NEDD1: variants seen among roughly 807,000 people sequenced by gnomAD.
The protein encoded by NEDD1 is protein NEDD1.
A neutral mutation model predicts 74.0 loss-of-function variants in NEDD1; 33 were observed. That is an observed-to-expected ratio of 0.45 (90% confidence interval 0.34 to 0.60). The LOEUF is 0.60. Among genes scored for constraint, NEDD1 ranks in the 20% least tolerant of loss-of-function variants. NEDD1 has a pLI of 0.01. For synonymous variants in NEDD1, 250 were observed against 264.4 expected (o/e 0.95, Z 0.53); for missense variants, 746 against 776.5 (o/e 0.96, Z 0.47).
intron 3 of NEDD1, among the ~76,000 whole-genome samples, chr12:96,911,007 C>T (rs1873867562): frequency 6.6e-6 from 1 of 152,116 alleles, no homozygotes; most frequent in Admixed American, 6.5e-5. Flanking sequence ...AATTTTCTTA[C>T]TGAATTAAAT....
chr12:96,928,781 G>C (rs1364244273), intron 6 of NEDD1, among the ~76,000 whole-genome samples: 1 of 150,320 alleles, frequency 6.7e-6, no homozygotes. Flanking sequence ...CCGCCTCCTG[G>C]GTTCACACCA....
intron 6 of NEDD1, among the ~76,000 whole-genome samples, chr12:96,929,350 CTTGTATTTTTTTTTTCCTTAAT>C: frequency 2.5e-5 from 1 of 39,740 alleles, no homozygotes; most frequent in Non-Finnish European, 5.0e-5. Flanking sequence ...TTCTTAATGT[CTTGTATTTTTTTTTTCCTTAAT>C]GTCTTGTATT....
chr12:96,933,706 T>C (rs1341433869), intron 6 of NEDD1, among the ~76,000 whole-genome samples: 1 of 152,144 alleles, frequency 6.6e-6, no homozygotes, highest in African/African-American at 2.4e-5. Context: ...TTCCTAGACA[T>C]TTTTTGTTGT....
chr12:96,939,060 T>G (rs1592918523), intron 9 of NEDD1, among the ~76,000 whole-genome samples: 1 of 152,188 alleles, frequency 6.6e-6, no homozygotes, highest in East Asian at 1.9e-4. Context: ...CTCAGTACAC[T>G]ATGGTGTTGA....
chr12:96,909,903 T>TA lies in NEDD1; in HGVS notation c.136+8_136+9insA, dbSNP rs1333632886. 1.3e-6 allele frequency: 2 copies of TA among 1,568,164 alleles called. No homozygotes were observed. Among genetic ancestry groups the TA allele is most frequent in the African/African-American group, 1.4e-5 (1 of 69,820 alleles). ...TATGTTGGAGCAGCAATAGTATCCT[T>TA]TAAAAAAAAAAAACACACACACACA... On this transcript the variant is annotated intron_variant, in intron 3 of 15. Transcript: ENST00000266742.
intron 12 of NEDD1, 41 bp downstream of exon 12, chr12:96,943,803 T>A: frequency 1.5e-6 from 2 of 1,364,784 alleles, no homozygotes. Context: ...TGTATGTGTT[T>A]ATCAGTAGAA....
rs777449805 is a variant in NEDD1, at chr12:96,935,118, G to T, written c.632G>T (p.Gly211Val). ...FDSVHKAPAS[G>V]ICFSPVNELL... is the part of the protein sequence containing the mutation. ...AGTGTACACAAAGCTCCAGCGTCAG[G>T]CATCTGTTTTTCTCCTGTCAATGAA... The change falls in exon 7 of 16, where the codon GGC becomes GTC. Residue 211 changes from glycine to valine, a missense_variant. Physicochemically the swap from Gly to Val is moderately radical, Grantham distance 109. This residue lies in a region of NEDD1 where 706 missense variants were observed against 706.7 expected (regional missense o/e 1.00). Transcript: ENST00000266742. The T allele has an allele frequency of 2.5e-6, 4 of 1,613,456 alleles. No homozygotes were observed. In the Admixed American group the frequency reaches 5.0e-5, roughly 20 times the overall value.
At chr12:96,942,006 C>T (rs554642796) in intron 10 of NEDD1, among the ~76,000 whole-genome samples, 2 of 152,086 alleles carry the variant, frequency 1.3e-5, no homozygotes, top group East Asian at 1.9e-4. Context: ...TTTAATTCAC[C>T]TGTTAAATTT....
chr12:96,953,217 A>AC lies in NEDD1; in HGVS notation c.*1164_*1165insC, dbSNP rs1878862886. The AC allele has an allele frequency of 6.6e-6, 1 of 151,262 alleles. No individual in the cohort carries two copies. The highest frequency in any genetic ancestry group is 1.5e-5 in the Non-Finnish European group (1 of 67,572). The allele number at this position is 151,262 out of a possible 1,614,324, so 9.4% of individuals were successfully genotyped here. A position where few individuals can be genotyped will look rare whatever the true frequency, so the allele number is the denominator to read the frequency against. ...AAAGTATTTACTAAAATTAAAAAAA[A>AC]AAAAACAAAAAACAAACCTTTAGCT... On this transcript the variant is annotated 3_prime_UTR_variant, in exon 16 of 16. Transcript: ENST00000266742.
chr12:96,943,580 T>C lies in NEDD1; in HGVS notation c.1315T>C (p.Leu439=). 1 of 1,613,206 alleles carries C rather than the reference T, an allele frequency of 6.2e-7. No homozygotes were observed. Among genetic ancestry groups the C allele is most frequent in the Non-Finnish European group, 8.5e-7 (1 of 1,179,318 alleles). ...KGDGFDFLPQ[L]NSVFPPRKNP... The stretch of plus-strand genomic sequence containing the variant: ...TCCAGGCTTTGACTTTCTACCGCAG[T>C]TGAACTCAGTGTTTCCTCCAAGAAA... The change falls in exon 12 of 16, where the codon TTG becomes CTG. Residue 439 remains leucine, a synonymous_variant. Transcript: ENST00000266742.
chr12:96,937,995 A>T (rs1437200652), intron 9 of NEDD1, among the ~76,000 whole-genome samples: 1 of 152,130 alleles, frequency 6.6e-6, no homozygotes, highest in Non-Finnish European at 1.5e-5. Flanking sequence ...TATACTGTCA[A>T]CGTGCAACAA....
chr12:96,940,921 G>A (rs1877601798), intron 10 of NEDD1, among the ~76,000 whole-genome samples: 1 of 151,940 alleles, frequency 6.6e-6, no homozygotes, highest in Non-Finnish European at 1.5e-5. Flanking sequence ...GTGTATAGGT[G>A]TACACCTCCC....
intron 14 of NEDD1, among the ~76,000 whole-genome samples, chr12:96,946,514 G>A (rs1349762217): frequency 2.6e-5 from 4 of 152,102 alleles, no homozygotes; most frequent in Non-Finnish European, 5.9e-5. Flanking sequence ...TGCAGTTTTT[G>A]TTGGTGCATG....
At chr12:96,911,733 G>A (rs1177616535) in intron 3 of NEDD1, among the ~76,000 whole-genome samples, 7 of 152,110 alleles carry the variant, frequency 4.6e-5, no homozygotes, top group Non-Finnish European at 1.0e-4. Flanking sequence ...AAGAAGTCAA[G>A]GAAAGGGAAA....
chr12:96,937,313 C>T lies in NEDD1; in HGVS notation c.1037C>T (p.Ala346Val), dbSNP rs750626795. Reference protein sequence around the residue: ...QNSGIVREAPATSIATVLPQP... With the variant: ...QNSGIVREAPVTSIATVLPQP... The stretch of plus-strand genomic sequence containing the variant: ...TCCGGAATTGTCAGAGAAGCACCTG[C>T]CACGTCCATTGCCACAGTTCTACCA... Residue 346 changes from alanine (A) to valine (V), a missense_variant, in exon 9 of 16, where the codon GCC (alanine) becomes GTC (valine). Physicochemically the swap from Ala to Val is moderately conservative, Grantham distance 64. Around this residue, in one of 3 missense-constraint regions of NEDD1, gnomAD observed 706 missense variants for 706.7 expected, o/e 1.00. Transcript: ENST00000266742. 3 of 1,611,918 alleles carry T rather than the reference C, an allele frequency of 1.9e-6. No individual in the cohort carries two copies. The East Asian group carries it at 6.7e-5, about 36-fold the overall frequency.
In NEDD1 at chr12:96,907,798, C is replaced by T. The variant is rs1873483466; in HGVS notation, c.-67C>T. The stretch of plus-strand genomic sequence containing the variant: ...CCTGACTGCTAGCTTTCGACGGGAC[C>T]GTCTTTGAGGGACTCATGTAAAGTC... On this transcript the variant is annotated 5_prime_UTR_variant, in exon 2 of 16. Transcript: ENST00000266742. The T allele has an allele frequency of 6.7e-7, 1 of 1,486,262 alleles. No homozygotes were observed. Among genetic ancestry groups the T allele is most frequent in the Non-Finnish European group, 9.0e-7 (1 of 1,117,104 alleles). The allele number at this position is 1,486,262 out of a possible 1,614,324, so 92.1% of individuals were successfully genotyped here. A position where few individuals can be genotyped will look rare whatever the true frequency, so the allele number is the denominator to read the frequency against.
chr12:96,936,847 T>A, intron 8 of NEDD1, 35 bp downstream of exon 8: 1 of 1,336,368 alleles, frequency 7.5e-7, no homozygotes, highest in Non-Finnish European at 1.1e-6. Flanking sequence ...TTTTATTTTA[T>A]TAAATAAATC....
intron 11 of NEDD1, among the ~76,000 whole-genome samples, chr12:96,943,101 T>C (rs1437223661): frequency 2.0e-5 from 3 of 152,016 alleles, no homozygotes; most frequent in African/African-American, 7.2e-5. Flanking sequence ...TAGAAGCAAG[T>C]TACTAGGTCC....
chr12:96,924,139 A>C (rs1051478930), intron 6 of NEDD1, among the ~76,000 whole-genome samples: 6 of 152,162 alleles, frequency 3.9e-5, no homozygotes, highest in African/African-American at 1.4e-4. Flanking sequence ...ACCTATCCCC[A>C]CTGAATTACA....
Sources: gnomAD v4.1 joint callset for allele counts (sites outside exome capture counted in the v4.1 genomes callset) on GRCh38, gnomAD v4.1.1 for gene constraint, gnomAD v4.1.1 regional missense constraint, MANE v1.5 for transcripts, NCBI Gene and HGNC (gene_info 2026-07-23, HGNC 2026-07-21) for gene names.